GUCY2F: variants seen among roughly 807,000 people sequenced by gnomAD.
GUCY2F encodes the protein retinal guanylyl cyclase 2.
Under a neutral mutation model 73.1 loss-of-function variants are expected in GUCY2F, and 61 were observed. The ratio of observed to expected loss-of-function variants is 0.83; its 90% CI spans 0.68 to 1.03. The LOEUF (loss-of-function observed/expected upper bound fraction) is 1.03. GUCY2F is among the 50% of genes least tolerant of loss of function. The pLI, the probability that GUCY2F is intolerant of heterozygous loss-of-function variation, is 0.00. For synonymous variants in GUCY2F, 331 were observed against 307.8 expected (o/e 1.08, Z -0.79); for missense variants, 912 against 854.3 (o/e 1.07, Z -0.84).
intron 7 of GUCY2F, among the ~76,000 whole-genome samples, chrX:109,435,610 A>G (rs1376235831): frequency 2.7e-5 from 3 of 109,390 alleles, no homozygotes; most frequent in Non-Finnish European, 3.8e-5. Context: ...CTAATTGAAT[A>G]CCCTTTATTT....
chrX:109,476,073 G>A (rs1398344825), intron 1 of GUCY2F, 52 bp from the exon 2 acceptor site: 10 of 462,015 alleles, frequency 2.2e-5, no homozygotes, highest in South Asian at 7.6e-5. Flanking sequence ...GAAGCTTCTG[G>A]AAATCATCGG....
intron 17 of GUCY2F, among the ~76,000 whole-genome samples, chrX:109,380,589 G>T (rs904489229): frequency 9.0e-6 from 1 of 111,027 alleles, no homozygotes; most frequent in Non-Finnish European, 1.9e-5. Context: ...AATAATCCAG[G>T]CCCAATGTGG....
intron 6 of GUCY2F, among the ~76,000 whole-genome samples, chrX:109,444,413 A>G (rs144618843): frequency 2.7e-5 from 3 of 112,184 alleles, no homozygotes; most frequent in East Asian, 5.6e-4. Context: ...ACAACAATTA[A>G]TTCTCAAATC....
chrX:109,421,067 A>T (rs1931361191), intron 8 of GUCY2F, among the ~76,000 whole-genome samples: 1 of 111,746 alleles, frequency 8.9e-6, no homozygotes, highest in African/African-American at 3.2e-5. Flanking sequence ...CCTCTAGGAG[A>T]TATCACCTTA....
chrX:109,481,105 A>AGGAAGGAG, intron 1 of GUCY2F, among the ~76,000 whole-genome samples: 2 of 38,898 alleles, frequency 5.1e-5, no homozygotes, highest in African/African-American at 1.9e-4. Context: ...GAAGGAAGGA[A>AGGAAGGAG]GGGAGGGAGG....
intron 8 of GUCY2F, among the ~76,000 whole-genome samples, chrX:109,414,604 C>A (rs1390629966): frequency 8.9e-6 from 1 of 112,028 alleles, no homozygotes; most frequent in Non-Finnish European, 1.9e-5. Context: ...CTTGTTTTAA[C>A]CAGATGATTA....
intron 6 of GUCY2F, among the ~76,000 whole-genome samples, chrX:109,444,892 T>A (rs867203807): frequency 4.5e-5 from 5 of 111,798 alleles, no homozygotes; most frequent in African/African-American, 6.5e-5. Context: ...GGCTTTTTTT[T>A]AAATAACTGT....
At chrX:109,416,391 C>A (rs1473860939) in intron 8 of GUCY2F, among the ~76,000 whole-genome samples, 16 of 110,194 alleles carry the variant, frequency 1.5e-4, no homozygotes, top group African/African-American at 4.9e-4. Flanking sequence ...AAGTATATAG[C>A]TGGAAAATAT....
intron 12 of GUCY2F, among the ~76,000 whole-genome samples, chrX:109,393,648 G>C (rs1330751647): frequency 1.8e-5 from 2 of 111,667 alleles, no homozygotes; most frequent in East Asian, 2.8e-4. Context: ...GTCAGTCAGA[G>C]TGATGTAAAA....
intron 8 of GUCY2F, among the ~76,000 whole-genome samples, chrX:109,413,843 T>C (rs1415092972): frequency 8.9e-6 from 1 of 111,954 alleles, no homozygotes; most frequent in Non-Finnish European, 1.9e-5. Flanking sequence ...AATCCCATCC[T>C]AGAGGTGGGT....
chrX:109,456,609 A>T (rs911128454), intron 3 of GUCY2F, among the ~76,000 whole-genome samples: 1 of 111,553 alleles, frequency 9.0e-6, no homozygotes, highest in Non-Finnish European at 1.9e-5. Flanking sequence ...GACGACTGAA[A>T]CCTGAAGCCT....
At chrX:109,376,363 T>C (rs957666681) in intron 17 of GUCY2F, among the ~76,000 whole-genome samples, 196 bp from the exon 18 acceptor site, 3 of 112,251 alleles carry the variant, frequency 2.7e-5, no homozygotes, top group Non-Finnish European at 5.6e-5. Context: ...ACCGCCACCA[T>C]ACAGCTTCAT....
At chrX:109,476,779 CTA>C (rs748953213) in intron 1 of GUCY2F, among the ~76,000 whole-genome samples, 121 of 104,366 alleles carry the variant, frequency 1.2e-3, no homozygotes, top group East Asian at 0.01. Context: ...GATAGACAGA[CTA>C]TATATATATG....
chrX:109,400,227 G>T (rs986430084), intron 10 of GUCY2F, among the ~76,000 whole-genome samples: 2 of 109,654 alleles, frequency 1.8e-5, no homozygotes, highest in East Asian at 5.8e-4. Flanking sequence ...GGGGGTGGGG[G>T]TAGTAGCAGC....
intron 3 of GUCY2F, among the ~76,000 whole-genome samples, chrX:109,455,944 C>T (rs753891620): frequency 1.3e-4 from 15 of 112,330 alleles, no homozygotes; most frequent in African/African-American, 1.9e-4. Flanking sequence ...TGTCAGTCTA[C>T]GTTAATAGCT....
chrX:109,383,665 C>T (rs1380648734), intron 16 of GUCY2F, among the ~76,000 whole-genome samples: 2 of 111,922 alleles, frequency 1.8e-5, no homozygotes, highest in African/African-American at 6.5e-5. Context: ...TCTTTGTATG[C>T]TTCACAATAA....
chrX:109,442,060 CT>C (rs940817720), intron 6 of GUCY2F, among the ~76,000 whole-genome samples: 20 of 110,941 alleles, frequency 1.8e-4, no homozygotes, highest in African/African-American at 6.5e-4. Context: ...GATCACATGC[CT>C]ATATATAATT....
intron 8 of GUCY2F, among the ~76,000 whole-genome samples, chrX:109,410,356 G>A (rs974020615): frequency 2.7e-5 from 3 of 112,113 alleles, no homozygotes; most frequent in Non-Finnish European, 5.6e-5. Context: ...AGATGATACC[G>A]TAAAATGTAG....
At chrX:109,409,218 G>A (rs769305596) in intron 8 of GUCY2F, 50 bp from the exon 9 acceptor site, 1 of 660,254 alleles carries the variant, frequency 1.5e-6, no homozygotes, top group Non-Finnish European at 2.5e-6. Flanking sequence ...GTCTCAACTG[G>A]GGACCACAGT....
Sources: allele counts gnomAD v4.1 joint callset (sites outside exome capture counted in the v4.1 genomes callset), GRCh38; gene constraint gnomAD v4.1.1; transcripts MANE v1.5; gene names NCBI Gene and HGNC (gene_info 2026-07-23, HGNC 2026-07-21).